The following NRXN1 variants were observed in gnomAD, a reference collection of about 807,000 sequenced individuals.
The protein encoded by NRXN1 is neurexin 1.
NRXN1 carries 39 observed loss-of-function variants against 150.9 expected under a neutral mutation model. That is an observed-to-expected ratio of 0.26 (90% CI 0.20 to 0.34). The LOEUF is 0.34. Among genes scored for constraint, NRXN1 ranks in the 10% least tolerant of loss-of-function variants. NRXN1 has a pLI of 1.00. For synonymous variants in NRXN1, 924 were observed against 757.0 expected, an observed-to-expected ratio of 1.22 and a Z score of -3.62; for missense variants, 1,815 against 1,949.9, an observed-to-expected ratio of 0.93 and a Z score of 1.30.
intron 5 of NRXN1, among the ~76,000 whole-genome samples, chr2:50,738,063 T>C (rs983814262): frequency 6.6e-5 from 10 of 152,206 alleles, no homozygotes; most frequent in African/African-American, 2.2e-4. Flanking sequence ...TGTCTGCAGA[T>C]AGCACAGAGT....
intron 17 of NRXN1, among the ~76,000 whole-genome samples, chr2:50,256,628 CT>C (rs1282835609): frequency 2.0e-5 from 3 of 152,220 alleles, no homozygotes; most frequent in Admixed American, 6.6e-5. Context: ...ATGTTTACCC[CT>C]ATCCACTTTA....
At chr2:50,410,670 T>C (rs2083083270) in intron 17 of NRXN1, among the ~76,000 whole-genome samples, 1 of 151,992 alleles carries the variant, frequency 6.6e-6, no homozygotes, top group African/African-American at 2.4e-5. Context: ...CTCACAAATA[T>C]TTCAGAAAAA....
intron 2 of NRXN1, among the ~76,000 whole-genome samples, chr2:51,021,136 T>C (rs975817917): frequency 2.0e-5 from 3 of 151,998 alleles, no homozygotes; most frequent in African/African-American, 7.2e-5. Context: ...TTGCATACTG[T>C]TTTTTAATAA....
At chr2:50,069,084 C>T (rs1048164479) in intron 19 of NRXN1, among the ~76,000 whole-genome samples, 1 of 152,196 alleles carries the variant, frequency 6.6e-6, no homozygotes, top group Admixed American at 6.5e-5. Context: ...AGGGTACTAC[C>T]ATGTGTTCTG....
intron 18 of NRXN1, among the ~76,000 whole-genome samples, chr2:50,230,702 C>CA (rs1260588599): frequency 6.6e-6 from 1 of 151,718 alleles, no homozygotes; most frequent in Non-Finnish European, 1.5e-5. Context: ...TTCTAGAAAC[C>CA]AAAAACATAG....
At chr2:50,188,530 A>G (rs1193342195) in intron 18 of NRXN1, among the ~76,000 whole-genome samples, 4 of 152,186 alleles carry the variant, frequency 2.6e-5, no homozygotes, top group Admixed American at 2.6e-4. Context: ...AATGGGATCT[A>G]ATTAAACTAA....
At chr2:50,233,336 A>G (rs1256845706) in intron 18 of NRXN1, among the ~76,000 whole-genome samples, 1 of 152,002 alleles carries the variant, frequency 6.6e-6, no homozygotes, top group African/African-American at 2.4e-5. Flanking sequence ...AAACTGGGCC[A>G]CCTGACTCAA....
intron 17 of NRXN1, among the ~76,000 whole-genome samples, chr2:50,284,701 G>T (rs1392294996): frequency 6.6e-6 from 1 of 151,952 alleles, no homozygotes; most frequent in East Asian, 1.9e-4. Context: ...GTGGGGCTAG[G>T]CAAGAGATTG....
intron 22 of NRXN1, among the ~76,000 whole-genome samples, chr2:49,925,281 C>CAAAA (rs772838099): frequency 4.8e-4 from 39 of 80,606 alleles, no homozygotes; most frequent in Non-Finnish European, 5.8e-4. Flanking sequence ...CTGCCTCAAC[C>CAAAA]AAAAAAAAAA....
intron 2 of NRXN1, among the ~76,000 whole-genome samples, chr2:50,970,304 G>T (rs1023784896): frequency 6.6e-6 from 1 of 152,072 alleles, no homozygotes; most frequent in Non-Finnish European, 1.5e-5. Flanking sequence ...GGAGGTCAGA[G>T]AAAAACTTTA....
At chr2:50,690,327 G>T (rs1251054665) in intron 5 of NRXN1, among the ~76,000 whole-genome samples, 3 of 152,120 alleles carry the variant, frequency 2.0e-5, no homozygotes, top group African/African-American at 4.8e-5. Flanking sequence ...GAATATTCCA[G>T]ACATTCATAA....
chr2:51,006,606 G>A (rs1700759449), intron 2 of NRXN1, among the ~76,000 whole-genome samples: 1 of 151,678 alleles, frequency 6.6e-6, no homozygotes, highest in Admixed American at 6.6e-5. Context: ...ATAACCTTCT[G>A]TTACTCTCTA....
intron 5 of NRXN1, among the ~76,000 whole-genome samples, chr2:50,749,381 T>TC (rs1700342746): frequency 6.6e-6 from 1 of 152,040 alleles, no homozygotes; most frequent in South Asian, 2.1e-4. Flanking sequence ...CATTCTTTTT[T>TC]CCCACAGAGA....
At chr2:50,769,044 C>T (rs1351380118) in intron 5 of NRXN1, among the ~76,000 whole-genome samples, 1 of 152,030 alleles carries the variant, frequency 6.6e-6, no homozygotes, top group African/African-American at 2.4e-5. Context: ...AGTGTTAACA[C>T]CTCATTTTTA....
At chr2:50,697,552 C>T (rs1241250973) in intron 5 of NRXN1, among the ~76,000 whole-genome samples, 1 of 152,098 alleles carries the variant, frequency 6.6e-6, no homozygotes, top group African/African-American at 2.4e-5. Flanking sequence ...CTGTTACTTC[C>T]TCTGTGGTTT....
intron 5 of NRXN1, among the ~76,000 whole-genome samples, chr2:50,710,938 C>T (rs1051914581): frequency 6.6e-6 from 1 of 152,110 alleles, no homozygotes; most frequent in East Asian, 1.9e-4. Context: ...CAACCAGGTG[C>T]AGTAAAACCT....
intron 5 of NRXN1, among the ~76,000 whole-genome samples, chr2:50,798,694 A>G (rs1449956415): frequency 6.6e-6 from 1 of 152,222 alleles, no homozygotes; most frequent in Non-Finnish European, 1.5e-5. Context: ...GGGTACAGAA[A>G]TATCAGCTAC....
chr2:50,737,863 A>C (rs573846460), intron 5 of NRXN1, among the ~76,000 whole-genome samples: 24 of 152,162 alleles, frequency 1.6e-4, no homozygotes, highest in Non-Finnish European at 2.6e-4. Context: ...CTTGTGTGGA[A>C]AAAAAAGTAT....
intron 5 of NRXN1, among the ~76,000 whole-genome samples, chr2:50,717,158 T>A (rs1397369694): frequency 6.6e-6 from 1 of 152,180 alleles, no homozygotes; most frequent in Non-Finnish European, 1.5e-5. Flanking sequence ...AGTACTTAAT[T>A]CAAATTGGCA....
Sources: gnomAD v4.1 joint callset for allele counts (sites outside exome capture counted in the v4.1 genomes callset) on GRCh38, gnomAD v4.1.1 for gene constraint, MANE v1.5 for transcripts, NCBI Gene and HGNC (gene_info 2026-07-23, HGNC 2026-07-21) for gene names.